PARD3B: variants seen among roughly 807,000 people sequenced by gnomAD.
The protein encoded by PARD3B is par-3 family cell polarity regulator beta.
A neutral mutation model predicts 130.2 loss-of-function variants in PARD3B; 103 were observed. That is an observed-to-expected ratio of 0.79 (90% CI 0.67 to 0.93). The LOEUF (loss-of-function observed/expected upper bound fraction) is 0.93. Ranked by LOEUF, PARD3B falls within the 40% of genes least tolerant of loss-of-function variation. The pLI is 0.00. For missense variants in PARD3B, 1,609 were observed against 1,499.2 expected, an observed-to-expected ratio of 1.07 and a Z score of -1.21; for synonymous variants, 583 against 553.2, an observed-to-expected ratio of 1.05 and a Z score of -0.76.
intron 4 of PARD3B, among the ~76,000 whole-genome samples, chr2:205,069,353 G>C (rs866018881): frequency 1.6e-4 from 25 of 151,544 alleles, no homozygotes; most frequent in African/African-American, 5.6e-4. Context: ...TGTTATAAGG[G>C]GCATATAGAT....
chr2:205,345,360 C>A (rs1377069600), intron 18 of PARD3B, among the ~76,000 whole-genome samples: 1 of 152,130 alleles, frequency 6.6e-6, no homozygotes, highest in Non-Finnish European at 1.5e-5. Context: ...CCTGTGTCTT[C>A]AGAAAAATGG....
chr2:205,132,722 C>T (rs1221026707), intron 10 of PARD3B, among the ~76,000 whole-genome samples: 75 of 152,090 alleles, frequency 4.9e-4, no homozygotes, highest in Non-Finnish European at 1.0e-4. Context: ...GATGTGAATC[C>T]CTGCTTTGCA....
chr2:205,307,105 G>A (rs1444080126), intron 18 of PARD3B, among the ~76,000 whole-genome samples: 1 of 152,188 alleles, frequency 6.6e-6, no homozygotes, highest in Non-Finnish European at 1.5e-5. Flanking sequence ...TCCTCACCAA[G>A]GCTGGCATCA....
intron 4 of PARD3B, among the ~76,000 whole-genome samples, chr2:205,101,820 C>G (rs1413410264): frequency 6.6e-6 from 1 of 152,134 alleles, no homozygotes; most frequent in Admixed American, 6.6e-5. Context: ...CAATAGGCAA[C>G]TCCTTTGAGA....
intron 2 of PARD3B, among the ~76,000 whole-genome samples, chr2:204,697,564 A>T (rs1490902637): frequency 1.3e-5 from 2 of 152,072 alleles, no homozygotes; most frequent in Non-Finnish European, 2.9e-5. Context: ...TCTGCCAGGA[A>T]TTCCTCTTTT....
chr2:204,846,155 T>C (rs574116297), intron 2 of PARD3B, among the ~76,000 whole-genome samples: 1 of 152,284 alleles, frequency 6.6e-6, no homozygotes, highest in East Asian at 1.9e-4. Context: ...AAGATGCTCA[T>C]GCTCACTGTC....
At chr2:205,531,184 TAAATC>T (rs1338289589) in intron 21 of PARD3B, among the ~76,000 whole-genome samples, 2 of 152,150 alleles carry the variant, frequency 1.3e-5, no homozygotes, top group African/African-American at 2.4e-5. Flanking sequence ...TCTTTCCACT[TAAATC>T]AAGAGGGGAA....
intron 3 of PARD3B, among the ~76,000 whole-genome samples, chr2:204,970,795 T>C (rs1329185037): frequency 6.6e-6 from 1 of 152,242 alleles, no homozygotes; most frequent in Non-Finnish European, 1.5e-5. Flanking sequence ...ATTACCTTGA[T>C]ATAAAGTAAT....
chr2:205,343,610 G>T (rs2043628232), intron 18 of PARD3B, among the ~76,000 whole-genome samples: 1 of 152,138 alleles, frequency 6.6e-6, no homozygotes. Flanking sequence ...CACTTTCTCT[G>T]ACCATCTGTA....
chr2:204,991,237 C>A (rs1374923171), intron 3 of PARD3B, among the ~76,000 whole-genome samples: 9 of 145,778 alleles, frequency 6.2e-5, no homozygotes. Context: ...TCCCCCCAAC[C>A]CACCACAGTC....
At chr2:204,628,337 G>T (rs374636637) in intron 1 of PARD3B, among the ~76,000 whole-genome samples, 3 of 151,442 alleles carry the variant, frequency 2.0e-5, no homozygotes, top group Non-Finnish European at 4.4e-5. Flanking sequence ...AACAGGTTCT[G>T]TAAGGGAAGT....
Position 205,513,130 on chromosome 2 carries a change from T to G in PARD3B, c.3180+13099T>G, listed in dbSNP as rs554927674. ...GTGGTTATAAGGGAATCAGAGACTC[T>G]CATTTCAGAGGAGGAAATCGTGCTC... On this transcript the variant is annotated intron_variant, in intron 21 of 22. Coordinates refer to ENST00000406610, the MANE Select transcript of PARD3B (RefSeq NM_001302769.2). 5.9e-5 allele frequency among the ~76,000 whole-genome samples: 9 copies of G among 152,180 alleles called. No individual in the cohort carries two copies. In the South Asian group the frequency reaches 1.9e-3, roughly 32 times the overall value.
chr2:204,706,761 T>C (rs974265467), intron 2 of PARD3B, among the ~76,000 whole-genome samples: 1 of 152,146 alleles, frequency 6.6e-6, no homozygotes, highest in Non-Finnish European at 1.5e-5. Flanking sequence ...TTTAGGTAAG[T>C]AGTAGATGCA....
intron 1 of PARD3B, among the ~76,000 whole-genome samples, chr2:204,679,593 A>AT (rs2036723384): frequency 6.6e-6 from 1 of 152,134 alleles, no homozygotes; most frequent in African/African-American, 2.4e-5. Flanking sequence ...ATTTTAAATC[A>AT]TAAATGTTTT....
chr2:204,565,502 G>T (rs556559268), intron 1 of PARD3B, among the ~76,000 whole-genome samples: 1 of 152,076 alleles, frequency 6.6e-6, no homozygotes, highest in Non-Finnish European at 1.5e-5. Flanking sequence ...TTTTCCAAAC[G>T]TTGACATATT....
intron 18 of PARD3B, among the ~76,000 whole-genome samples, chr2:205,322,175 T>C (rs1208117337): frequency 6.6e-6 from 1 of 152,214 alleles, no homozygotes; most frequent in African/African-American, 2.4e-5. Flanking sequence ...AAACATATTT[T>C]GAAAACATAA....
rs2038769085 is a variant in PARD3B at position 205,230,310 on chromosome 2, T to C, written c.2141-15468T>C. On this transcript the variant is annotated intron_variant, in intron 15 of 22. Transcript: ENST00000406610. This position sits in a 1 kb window ranked among gnomAD's most constrained non-coding sequence, Gnocchi z 4.1. ...GCAAGTACTGCCTGGCTACTGCTGC[T>C]AATTATTCAGGACCCACATTTTCTT... Among the ~76,000 whole-genome samples, 2 of 152,160 alleles carry C rather than the reference T, an allele frequency of 1.3e-5. No individual in the cohort carries two copies. The highest frequency in any genetic ancestry group is 4.8e-5 in the African/African-American group (2 of 41,448).
chr2:204,774,024 A>C (rs1265027108), intron 2 of PARD3B, among the ~76,000 whole-genome samples: 1 of 151,708 alleles, frequency 6.6e-6, no homozygotes, highest in East Asian at 1.9e-4. Context: ...CTGTGCTTTC[A>C]ACTTGTAGTT....
At chr2:205,340,063 G>A (rs996754866) in intron 18 of PARD3B, among the ~76,000 whole-genome samples, 15 of 152,046 alleles carry the variant, frequency 9.9e-5, no homozygotes, top group Admixed American at 9.2e-4. Context: ...TTTTTAAGTA[G>A]AGACTGAAAA....
Sources: allele counts gnomAD v4.1 joint callset (sites outside exome capture counted in the v4.1 genomes callset), GRCh38; gene constraint gnomAD v4.1.1; non-coding constraint Gnocchi (gnomAD v3.1); transcripts MANE v1.5; gene names NCBI Gene and HGNC (gene_info 2026-07-23, HGNC 2026-07-21).